The following COL15A1 variants were observed in gnomAD, a reference collection of about 807,000 sequenced individuals.
COL15A1 encodes the protein collagen alpha-1(XV) chain.
A neutral mutation model predicts 165.9 loss-of-function variants in COL15A1; 111 were observed. The observed-to-expected ratio is 0.67, with a 90% CI of 0.57 to 0.78. The LOEUF is 0.78. Ranked by LOEUF, COL15A1 falls within the 30% of genes least tolerant of loss-of-function variation. COL15A1 has a pLI of 0.00. For synonymous variants in COL15A1, 659 were observed against 674.8 expected, an observed-to-expected ratio of 0.98 and a Z score of 0.36; for missense variants, 1,745 against 1,789.7, an observed-to-expected ratio of 0.98 and a Z score of 0.45.
intron 2 of COL15A1, among the ~76,000 whole-genome samples, chr9:98,956,186 G>C (rs7045433): frequency 0.34 from 51,868 of 152,070 alleles, 9,076 homozygotes; most frequent in East Asian, 0.57. Flanking sequence ...CACGCCTGTG[G>C]TCCCAGCTAC....
intron 2 of COL15A1, among the ~76,000 whole-genome samples, chr9:98,954,942 A>T (rs1046925300): frequency 1.3e-5 from 2 of 152,090 alleles, no homozygotes; most frequent in African/African-American, 2.4e-5. Context: ...TCCTTCATTC[A>T]TCCATTTTGC....
At chr9:99,036,929 C>T (rs563933186) in intron 21 of COL15A1, among the ~76,000 whole-genome samples, 1 of 152,298 alleles carries the variant, frequency 6.6e-6, no homozygotes, top group South Asian at 2.1e-4. Context: ...TTGGTGCTTC[C>T]CAAACTGCCC....
intron 12 of COL15A1, among the ~76,000 whole-genome samples, chr9:99,021,569 C>T (rs112723161): frequency 5.3e-5 from 8 of 152,172 alleles, no homozygotes; most frequent in Non-Finnish European, 1.2e-4. Flanking sequence ...TTCTGTCATT[C>T]GAAAAGCATT....
chr9:98,987,243 T>A, intron 3 of COL15A1, 51 bp from the exon 4 acceptor site: 1 of 1,532,130 alleles, frequency 6.5e-7, no homozygotes, highest in Non-Finnish European at 9.0e-7. Flanking sequence ...CCACTGGCAG[T>A]CATGCTGTGT....
At chr9:98,979,468 A>G (rs1248728043) in intron 2 of COL15A1, among the ~76,000 whole-genome samples, 1 of 152,132 alleles carries the variant, frequency 6.6e-6, no homozygotes, top group African/African-American at 2.4e-5. Flanking sequence ...AGTATTTTTC[A>G]TATGTTTAAG....
At chr9:99,033,987 T>C (rs990302467) in intron 16 of COL15A1, among the ~76,000 whole-genome samples, 28 of 152,112 alleles carry the variant, frequency 1.8e-4, no homozygotes, top group Non-Finnish European at 1.8e-4. Flanking sequence ...CAGGAAACTG[T>C]AGTGTGGTCC....
chr9:99,023,584 G>A, intron 14 of COL15A1, 135 bp downstream of exon 14: 1 of 566,446 alleles, frequency 1.8e-6, no homozygotes, highest in Non-Finnish European at 3.2e-6. Flanking sequence ...GCTCATGGGG[G>A]TTCATTCTAC....
intron 22 of COL15A1, 49 bp from the exon 23 acceptor site, chr9:99,040,472 T>A (rs1435991349): frequency 6.2e-7 from 1 of 1,614,098 alleles, no homozygotes; most frequent in Admixed American, 1.7e-5. Flanking sequence ...CTGCTGACTC[T>A]GGAAATGCCG....
intron 2 of COL15A1, 34 bp from the exon 3 acceptor site, chr9:98,985,531 C>A: frequency 6.3e-7 from 1 of 1,583,834 alleles, no homozygotes; most frequent in Non-Finnish European, 8.6e-7. Context: ...TGGAATATAC[C>A]TGTAAAGCGT....
chr9:98,950,859 T>A (rs1464405464), intron 2 of COL15A1, among the ~76,000 whole-genome samples: 2 of 152,156 alleles, frequency 1.3e-5, no homozygotes, highest in Non-Finnish European at 2.9e-5. Flanking sequence ...CACCTCGGCC[T>A]CCCAAAGTGC....
chr9:99,029,925 C>CA (rs11330165), intron 16 of COL15A1, among the ~76,000 whole-genome samples: 5,238 of 111,528 alleles, frequency 0.047, 105 homozygotes, highest in Middle Eastern at 0.056. Flanking sequence ...AACTCCATCT[C>CA]AAAAAAAAAA....
intron 36 of COL15A1, 109 bp downstream of exon 36, chr9:99,060,062 G>C (rs1588538681): frequency 8.5e-7 from 1 of 1,171,176 alleles, no homozygotes; most frequent in East Asian, 2.6e-5. Context: ...AGGCCTTCAT[G>C]ATAGTAGGCT....
chr9:98,945,570 T>C (rs1837568270), intron 2 of COL15A1, among the ~76,000 whole-genome samples: 1 of 152,202 alleles, frequency 6.6e-6, no homozygotes, highest in African/African-American at 2.4e-5. Flanking sequence ...GTTAACTCTT[T>C]GTTTGCCTGA....
intron 5 of COL15A1, among the ~76,000 whole-genome samples, 188 bp downstream of exon 5, chr9:98,989,446 G>A (rs773275246): frequency 5.3e-5 from 8 of 152,208 alleles, no homozygotes; most frequent in African/African-American, 9.6e-5. Context: ...CTGGTGAACC[G>A]CAACACCAGC....
chr9:98,953,809 C>T (rs1244164229), intron 2 of COL15A1, among the ~76,000 whole-genome samples: 1 of 152,160 alleles, frequency 6.6e-6, no homozygotes, highest in African/African-American at 2.4e-5. Context: ...CAAATGGGGC[C>T]CAGCTTAAAA....
At chr9:99,044,531 G>A in intron 24 of COL15A1, 37 bp from the exon 25 acceptor site, 2 of 1,602,702 alleles carry the variant, frequency 1.2e-6, no homozygotes, top group Non-Finnish European at 1.7e-6. Context: ...TGGCAAGGAG[G>A]AGTCCTGACT....
intron 2 of COL15A1, among the ~76,000 whole-genome samples, chr9:98,953,301 C>A (rs1837720241): frequency 6.6e-6 from 1 of 152,130 alleles, no homozygotes; most frequent in Admixed American, 6.5e-5. Context: ...TCTGCTCTAT[C>A]CAAACTACAG....
chr9:99,018,633 A>G (rs1320119332), intron 11 of COL15A1, among the ~76,000 whole-genome samples: 1 of 152,248 alleles, frequency 6.6e-6, no homozygotes, highest in Non-Finnish European at 1.5e-5. Flanking sequence ...AGCCAACAAT[A>G]GAAGATTAAT....
intron 2 of COL15A1, among the ~76,000 whole-genome samples, chr9:98,982,913 T>A (rs1838254073): frequency 6.6e-6 from 1 of 152,190 alleles, no homozygotes; most frequent in African/African-American, 2.4e-5. Context: ...GGATTACAGT[T>A]GTGAGCCACA....
Sources: gnomAD v4.1 joint callset for allele counts (sites outside exome capture counted in the v4.1 genomes callset) on GRCh38, gnomAD v4.1.1 for gene constraint, MANE v1.5 for transcripts, NCBI Gene and HGNC (gene_info 2026-07-23, HGNC 2026-07-21) for gene names.